CNTNAP4: variants seen among roughly 807,000 people sequenced by gnomAD.
The protein encoded by CNTNAP4 is contactin-associated protein-like 4.
In CNTNAP4, 98 loss-of-function variants were observed where a neutral mutation model predicts 148.4. The observed-to-expected ratio is 0.66, with a 90% CI of 0.56 to 0.78. The LOEUF is 0.78. Among genes scored for constraint, CNTNAP4 ranks in the 30% least tolerant of loss-of-function variants. The pLI is 0.00. For missense variants in CNTNAP4, 1,935 were observed against 1,565.6 expected, an observed-to-expected ratio of 1.24 and a Z score of -3.98; for synonymous variants, 730 against 565.1, an observed-to-expected ratio of 1.29 and a Z score of -4.14.
At chr16:76,484,103 TAAAC>T (rs56335448) in intron 12 of CNTNAP4, among the ~76,000 whole-genome samples, 63,110 of 150,282 alleles carry the variant, frequency 0.42, 13,227 homozygotes, top group Admixed American at 0.44. Flanking sequence ...ATATCTTTGA[TAAAC>T]AAATTATTTG....
intron 3 of CNTNAP4, among the ~76,000 whole-genome samples, chr16:76,400,458 G>A (rs908798515): frequency 3.7e-4 from 56 of 152,054 alleles, no homozygotes; most frequent in African/African-American, 1.3e-3. Flanking sequence ...TCTGTCTGAT[G>A]CATAGTTTGC....
At chr16:76,557,875 T>G (rs71394267) in intron 23 of CNTNAP4, 52,420 of 152,096 alleles carry the variant, frequency 0.34, 9,893 homozygotes, top group East Asian at 0.55. Flanking sequence ...ACTACTGACC[T>G]AATATAATGC....
intron 3 of CNTNAP4, among the ~76,000 whole-genome samples, chr16:76,417,731 A>T (rs574518419): frequency 6.6e-6 from 1 of 151,632 alleles, no homozygotes; most frequent in Non-Finnish European, 1.5e-5. Flanking sequence ...TCTGAGCTAT[A>T]TAACTTTCCT....
intron 1 of CNTNAP4, among the ~76,000 whole-genome samples, chr16:76,314,963 C>G (rs2144075854): frequency 6.6e-6 from 1 of 152,180 alleles, no homozygotes; most frequent in South Asian, 2.1e-4. Flanking sequence ...TACAGTATTA[C>G]TTAGCTTTGC....
At chr16:76,297,012 G>T (rs1031637756) in intron 1 of CNTNAP4, among the ~76,000 whole-genome samples, 4 of 152,124 alleles carry the variant, frequency 2.6e-5, no homozygotes, top group Admixed American at 2.6e-4. Flanking sequence ...AACCCAGAAG[G>T]TTTTCACTCA....
intron 3 of CNTNAP4, among the ~76,000 whole-genome samples, chr16:76,386,706 C>G (rs371288185): frequency 6.6e-6 from 1 of 152,110 alleles, no homozygotes; most frequent in South Asian, 2.1e-4. Flanking sequence ...AAGATGTTCA[C>G]TACCTTAACG....
At chr16:76,444,638 A>G (rs1192502556) in intron 4 of CNTNAP4, among the ~76,000 whole-genome samples, 1 of 152,162 alleles carries the variant, frequency 6.6e-6, no homozygotes, top group African/African-American at 2.4e-5. Context: ...GTAATTGTTT[A>G]AGATGATTTT....
intron 23 of CNTNAP4, chr16:76,557,587 A>G (rs2085249250): frequency 6.6e-6 from 1 of 152,172 alleles, no homozygotes; most frequent in Admixed American, 6.5e-5. Context: ...TTGGCTTTTT[A>G]TTCCTTTTCC....
At chr16:76,491,925 C>T (rs2143802792) in intron 13 of CNTNAP4, among the ~76,000 whole-genome samples, 1 of 152,168 alleles carries the variant, frequency 6.6e-6, no homozygotes, top group Admixed American at 6.6e-5. Context: ...CGTATCTTGG[C>T]TATTGTGAAT....
In CNTNAP4 at chr16:76,385,956, C is replaced by T. The variant is rs138697600; in HGVS notation, c.390+30445C>T. On this transcript the variant is annotated intron_variant, in intron 3 of 23. Transcript: ENST00000611870. The stretch of plus-strand genomic sequence containing the variant: ...TAAACAGGGAAATCACCAAAAAATG[C>T]ACAAAAATGTGAAAAATGAATAGAT... 2.3e-3 allele frequency among the ~76,000 whole-genome samples: 355 copies of T among 151,912 alleles called. 3 individuals are homozygous for T. The highest frequency in any genetic ancestry group is 4.0e-3 in the Non-Finnish European group (271 of 67,944).
intron 2 of CNTNAP4, among the ~76,000 whole-genome samples, chr16:76,342,154 G>A (rs1488743610): frequency 1.3e-5 from 2 of 152,142 alleles, no homozygotes; most frequent in African/African-American, 4.8e-5. Flanking sequence ...TGTGTATGAA[G>A]ATCATCTGGG....
chr16:76,406,798 G>C (rs115647611), intron 3 of CNTNAP4, among the ~76,000 whole-genome samples: 242 of 152,272 alleles, frequency 1.6e-3, no homozygotes, highest in African/African-American at 5.6e-3. Flanking sequence ...GTAGCAGAAA[G>C]CTGGAAGCTA....
At chr16:76,479,891 T>C (rs1402397027) in intron 12 of CNTNAP4, among the ~76,000 whole-genome samples, 1 of 152,176 alleles carries the variant, frequency 6.6e-6, no homozygotes, top group African/African-American at 2.4e-5. Flanking sequence ...CTTCTTGTAT[T>C]CTTACATAAA....
At chr16:76,353,986 A>G (rs1567821806) in intron 2 of CNTNAP4, among the ~76,000 whole-genome samples, 2 of 152,210 alleles carry the variant, frequency 1.3e-5, no homozygotes. Flanking sequence ...GTATGCCAAG[A>G]ATAATGCTTG....
In CNTNAP4 at chr16:76,536,026, A is replaced by G. The variant is rs78552451; in HGVS notation, c.2995+242A>G. ...ATATTTGACTCATTTATGAAAAACTAGTGTTTGTTGATGGTAAATCCATTA... is the reference window on the plus strand; with the variant it reads ...ATATTTGACTCATTTATGAAAAACTGGTGTTTGTTGATGGTAAATCCATTA... On this transcript the variant is annotated intron_variant, in intron 18 of 23. Coordinates refer to ENST00000611870, the MANE Select transcript of CNTNAP4 (RefSeq NM_033401.5). 5.3e-5 allele frequency among the ~76,000 whole-genome samples: 8 copies of G among 152,282 alleles called. 1 individual carries two copies. Among genetic ancestry groups the G allele is most frequent in the African/African-American group, 1.7e-4 (7 of 41,556 alleles).
At chr16:76,428,098 A>T (rs2079476034) in intron 4 of CNTNAP4, among the ~76,000 whole-genome samples, 1 of 152,180 alleles carries the variant, frequency 6.6e-6, no homozygotes, top group South Asian at 2.1e-4. Flanking sequence ...AAAAGAGAAG[A>T]CTTCTGCCTG....
At chr16:76,279,869 T>G (rs1299468283) in intron 1 of CNTNAP4, among the ~76,000 whole-genome samples, 1 of 152,212 alleles carries the variant, frequency 6.6e-6, no homozygotes, top group Non-Finnish European at 1.5e-5. Context: ...ATTTTCTTTT[T>G]GGAAGAAGTA....
At chr16:76,371,909 A>G (rs1003838267) in intron 3 of CNTNAP4, among the ~76,000 whole-genome samples, 6 of 152,160 alleles carry the variant, frequency 3.9e-5, no homozygotes, top group Non-Finnish European at 8.8e-5. Context: ...CAATCAAGTC[A>G]CTTACCTCTC....
chr16:76,384,086 C>T (rs1398588931), intron 3 of CNTNAP4, among the ~76,000 whole-genome samples: 3 of 151,834 alleles, frequency 2.0e-5, no homozygotes. Context: ...CCCTGTTGCC[C>T]AGGCTGGAGT....
Sources: allele counts gnomAD v4.1 joint callset (sites outside exome capture counted in the v4.1 genomes callset), GRCh38; gene constraint gnomAD v4.1.1; transcripts MANE v1.5; gene names NCBI Gene and HGNC (gene_info 2026-07-23, HGNC 2026-07-21).